SYNJ2: variants seen among roughly 807,000 people sequenced by gnomAD.
SYNJ2 encodes the protein polyphosphatidylinositol phosphatase SYNJ2.
A neutral mutation model predicts 141.3 loss-of-function variants in SYNJ2; 116 were observed. The ratio of observed to expected loss-of-function variants is 0.82; its 90% CI spans 0.71 to 0.96. SYNJ2 has a LOEUF of 0.96. SYNJ2 is among the 40% of genes least tolerant of loss of function. The pLI, the probability that SYNJ2 is intolerant of heterozygous loss-of-function variation, is 0.00. For synonymous variants in SYNJ2, 745 were observed against 777.7 expected, an observed-to-expected ratio of 0.96 and a Z score of 0.70; for missense variants, 1,873 against 1,934.8, an observed-to-expected ratio of 0.97 and a Z score of 0.60.
In SYNJ2 at chr6:158,096,085, A is replaced by C. The variant is rs1783785578; in HGVS notation, c.4212A>C (p.Ala1404=). 6 of 1,614,252 alleles carry C rather than the reference A, an allele frequency of 3.7e-6. No homozygotes were observed. The highest frequency in any genetic ancestry group is 4.2e-6 in the Non-Finnish European group (5 of 1,180,040). The change falls in exon 27 of 27, where the codon GCA becomes GCC. Residue 1404 remains alanine (A), a synonymous_variant. Coordinates refer to ENST00000355585, the MANE Select transcript of SYNJ2 (RefSeq NM_003898.4). ...SDGTKAMKPE[A]APLLGDYQDP... ...GCACCAAAGCGATGAAGCCAGAGGCAGCCCCACTTCTTGGTGATTATCAGG... is the reference window on the plus strand; with the variant it reads ...GCACCAAAGCGATGAAGCCAGAGGCCGCCCCACTTCTTGGTGATTATCAGG...
At chr6:158,029,566 A>G (rs2010835) in intron 3 of SYNJ2, among the ~76,000 whole-genome samples, 55,313 of 151,372 alleles carry the variant, frequency 0.37, 10,257 homozygotes, top group Middle Eastern at 0.49. Context: ...CTCTGTCTCA[A>G]AGAAAAAGAA....
rs367897222 is a variant in SYNJ2 at position 158,089,822 on chromosome 6, C to T, written c.3457-17C>T. 1.2e-6 allele frequency: 2 copies of T among 1,601,568 alleles called. No homozygotes were observed. The highest frequency in any genetic ancestry group is 2.7e-5 in the African/African-American group (2 of 74,646). On this transcript the variant is annotated splice_polypyrimidine_tract_variant and intron_variant, in intron 24 of 26. Transcript: ENST00000355585. ...TGCCTCTGCTGATACTCTGCTCTTC[C>T]TCATTCTGTCCTCAAGCCCAAGGCT...
rs1032613228 is a variant in SYNJ2 at position 158,070,068 on chromosome 6, G to A, written c.1940+395G>A. On this transcript the variant is annotated intron_variant, in intron 14 of 26. Transcript: ENST00000355585. The surrounding 1 kb of genome is among the most constrained non-coding windows in gnomAD (Gnocchi z 4.0). Reference sequence around the variant, plus strand: ...TTTTTAAAAGAATTCTAAGTAGAACGTGTGGGCCTCTACAACTGTGACCTC... The same window carrying A: ...TTTTTAAAAGAATTCTAAGTAGAACATGTGGGCCTCTACAACTGTGACCTC... 1.1e-4 allele frequency: 89 copies of A among 819,518 alleles called. No individual in the cohort carries two copies. The highest frequency in any genetic ancestry group is 8.3e-4 in the South Asian group (15 of 18,108). 50.8% of individuals were successfully genotyped at this position (819,518 alleles called of 1,614,324 possible).
chr6:158,084,043 T>A lies in SYNJ2; in HGVS notation c.3077T>A (p.Phe1026Tyr), dbSNP rs1309321862. The A allele has an allele frequency of 6.2e-7, 1 of 1,613,974 alleles. No homozygotes were observed. The highest frequency in any genetic ancestry group is 1.7e-5 in the Admixed American group (1 of 59,998). ...EDDEDYLVDEFNQPGVSDSEL... is the reference protein window; with the variant it reads ...EDDEDYLVDEYNQPGVSDSEL... ...GATGAAGACTACTTGGTGGATGAAT[T>A]CAATCAGCCTGGAGTCTCGGACAGT... is the stretch of plus-strand genomic sequence containing the variant. The change falls in exon 22 of 27, where the codon TTC becomes TAC. Residue 1026 changes from phenylalanine (F) to tyrosine (Y), a missense_variant. Phe to Tyr is a conservative substitution (Grantham distance 22). Coordinates refer to ENST00000355585, the MANE Select transcript of SYNJ2 (RefSeq NM_003898.4). The surrounding 1 kb of genome is among the most constrained non-coding windows in gnomAD (Gnocchi z 5.0).
chr6:158,037,651 T>C (rs573742423), intron 4 of SYNJ2, among the ~76,000 whole-genome samples: 1 of 152,138 alleles, frequency 6.6e-6, no homozygotes, highest in Non-Finnish European at 1.5e-5. Flanking sequence ...TCTGCCCGCC[T>C]CGGCCTCCCA....
Position 158,017,233 on chromosome 6 carries a change from C to T in SYNJ2, c.157C>T (p.Gln53Ter), listed in dbSNP as rs765679874. ...APEEKEVIKG[Q>*]YGKLTDAYGC... ...AGAAGAAAAGGAAGTCATTAAAGGA[C>T]AGTATGGCAAGCTCACGGACGCGTA... The change falls in exon 2 of 27, where the codon CAG becomes TAG. Residue 53 changes from glutamine (Q) to a stop codon, truncating the protein, a stop_gained. Coordinates refer to ENST00000355585, the MANE Select transcript of SYNJ2 (RefSeq NM_003898.4). LOFTEE classifies it high-confidence loss of function. 1 of 1,613,186 alleles carries T rather than the reference C, an allele frequency of 6.2e-7. No homozygotes were observed. The highest frequency in any genetic ancestry group is 8.5e-7 in the Non-Finnish European group (1 of 1,179,940).
At chr6:158,069,497 T>C (rs2128372621) in intron 13 of SYNJ2, 36 bp from the exon 14 acceptor site, 1 of 1,593,780 alleles carries the variant, frequency 6.3e-7, no homozygotes, top group Non-Finnish European at 8.6e-7. Context: ...TACTTCCAGC[T>C]ACCTGTAAAC....
rs138050450 is a variant in SYNJ2 at position 158,024,937 on chromosome 6, A to C, written c.215-3819A>C. ...GTCAATATTTAGAATACACTGCACA[A>C]TATATTATTTACAGGCATTTCAACT... is the stretch of plus-strand genomic sequence containing the variant. On this transcript the variant is annotated intron_variant, in intron 2 of 26. Coordinates refer to ENST00000355585, the MANE Select transcript of SYNJ2 (RefSeq NM_003898.4). Among the ~76,000 whole-genome samples the C allele has an allele frequency of 3.5e-4, 53 of 152,342 alleles. No homozygotes were observed. In the East Asian group the frequency reaches 8.7e-3, roughly 25 times the overall value.
chr6:158,042,246 C>A (rs1779988779), intron 4 of SYNJ2, among the ~76,000 whole-genome samples: 1 of 152,270 alleles, frequency 6.6e-6, no homozygotes, highest in Admixed American at 6.5e-5. Flanking sequence ...ATGTTCTTAA[C>A]ACATGCTTTT....
intron 1 of SYNJ2, among the ~76,000 whole-genome samples, chr6:157,990,653 T>C (rs1777388002): frequency 6.6e-6 from 1 of 152,190 alleles, no homozygotes; most frequent in African/African-American, 2.4e-5. Flanking sequence ...CCCGGCAAGA[T>C]GTAGCAAAAT....
chr6:158,045,846 G>T (rs1280409667), intron 5 of SYNJ2, among the ~76,000 whole-genome samples: 2 of 152,198 alleles, frequency 1.3e-5, no homozygotes, highest in Non-Finnish European at 2.9e-5. Flanking sequence ...AGGAGCAGTG[G>T]ACCACGAGGT....
intron 1 of SYNJ2, among the ~76,000 whole-genome samples, chr6:158,008,682 C>A (rs1338914494): frequency 2.0e-5 from 3 of 152,222 alleles, no homozygotes; most frequent in Non-Finnish European, 4.4e-5. Flanking sequence ...AACTAAAAAG[C>A]ACGTGTGTAT....
chr6:157,989,590 G>A (rs1777338034), intron 1 of SYNJ2, among the ~76,000 whole-genome samples: 1 of 151,820 alleles, frequency 6.6e-6, no homozygotes, highest in Non-Finnish European at 1.5e-5. Flanking sequence ...AGAGGGTGTG[G>A]CACTACAAAG....
At position 158,063,829 on chromosome 6, in the gene SYNJ2, G is replaced by C; in HGVS notation, c.1166G>C (p.Cys389Ser). Residue 389 changes from cysteine (C) to serine (S), a missense_variant, in exon 9 of 27, where the codon TGC (cysteine) becomes TCC (serine). Transcript: ENST00000355585. Reference sequence around the variant, plus strand: ...ACTTTGCGGATGAACTGTCTTGACTGCCTGGACCGAACCAACACTGTGCAG... The same window carrying C: ...ACTTTGCGGATGAACTGTCTTGACTCCCTGGACCGAACCAACACTGTGCAG... ...KGTLRMNCLD[C>S]LDRTNTVQSF... 6.2e-7 allele frequency: 1 copy of C among 1,613,828 alleles called. No homozygotes were observed. The highest frequency in any genetic ancestry group is 8.5e-7 in the Non-Finnish European group (1 of 1,179,908).
intron 1 of SYNJ2, among the ~76,000 whole-genome samples, chr6:158,012,958 C>G (rs1778319885): frequency 6.6e-6 from 1 of 152,218 alleles, no homozygotes; most frequent in East Asian, 1.9e-4. Context: ...AAAACCCAGT[C>G]AAATTCAAGT....
intron 3 of SYNJ2, among the ~76,000 whole-genome samples, chr6:158,031,652 TG>T (rs1350340251): frequency 1.1e-3 from 166 of 152,254 alleles, no homozygotes; most frequent in African/African-American, 3.9e-3. Flanking sequence ...AGGAGTCAGA[TG>T]GGGTCAACGC....
Position 158,069,621 on chromosome 6 carries a change from G to C in SYNJ2, c.1888G>C (p.Val630Leu). 6.2e-7 allele frequency: 1 copy of C among 1,614,020 alleles called. No homozygotes were observed. The highest frequency in any genetic ancestry group is 8.5e-7 in the Non-Finnish European group (1 of 1,179,936). Residue 630 changes from valine (V) to leucine (L), a missense_variant, in exon 14 of 27, where the codon GTG becomes CTG. Transcript: ENST00000355585. ...CATTCTGTTGACTTCGGCACAGCTGGTGGGCGTCTGTCTTTATATCTTTGT... is the reference window on the plus strand; with the variant it reads ...CATTCTGTTGACTTCGGCACAGCTGCTGGGCGTCTGTCTTTATATCTTTGT... ...RYILLTSAQLVGVCLYIFVRP... is the reference protein window; with the variant it reads ...RYILLTSAQLLGVCLYIFVRP...
At chr6:158,080,893 C>T (rs1394633236) in intron 18 of SYNJ2, among the ~76,000 whole-genome samples, 1 of 152,210 alleles carries the variant, frequency 6.6e-6, no homozygotes, top group East Asian at 1.9e-4. Context: ...AAGACTAAAA[C>T]GCCAGAGCAG....
At chr6:158,009,280 G>A (rs766018866) in intron 1 of SYNJ2, among the ~76,000 whole-genome samples, 1 of 152,212 alleles carries the variant, frequency 6.6e-6, no homozygotes, top group Non-Finnish European at 1.5e-5. Flanking sequence ...AGCAGCGCCC[G>A]CCTCTTCCTG....
Sources: allele counts gnomAD v4.1 joint callset (sites outside exome capture counted in the v4.1 genomes callset), GRCh38; gene constraint gnomAD v4.1.1; non-coding constraint Gnocchi (gnomAD v3.1); transcripts MANE v1.5; gene names NCBI Gene and HGNC (gene_info 2026-07-23, HGNC 2026-07-21).